TBX19: variants seen among roughly 807,000 people sequenced by gnomAD.
TBX19 encodes T-box transcription factor TBX19.
A neutral mutation model predicts 40.9 loss-of-function variants in TBX19; 33 were observed. That is an observed-to-expected ratio of 0.81 (90% CI 0.61 to 1.08). TBX19 has a LOEUF of 1.08. Among genes scored for constraint, TBX19 ranks in the 50% least tolerant of loss-of-function variants. TBX19 has a pLI of 0.00. For synonymous variants in TBX19, 220 were observed against 225.0 expected (o/e 0.98, Z 0.20); for missense variants, 494 against 574.0 (o/e 0.86, Z 1.42).
Position 168,293,260 on chromosome 1 carries a change from T to G in TBX19, c.585T>G (p.Thr195=). The change falls in exon 3 of 8, where the codon ACT becomes ACG. Residue 195 remains threonine, a synonymous_variant. Coordinates refer to ENST00000367821, the MANE Select transcript of TBX19 (RefSeq NM_005149.3). ...SFPETQFIAV[T]AYQNEEITAL... is the part of the protein sequence containing the mutation. ...CTGAAACCCAGTTCATAGCCGTGAC[T>G]GCCTATCAGAATGAGGAGGTAAGAG... 6.2e-7 allele frequency: 1 copy of G among 1,612,212 alleles called. No individual in the cohort carries two copies. Among genetic ancestry groups the G allele is most frequent in the Non-Finnish European group, 8.5e-7 (1 of 1,179,442 alleles).
chr1:168,293,002 C>A, intron 2 of TBX19, 142 bp from the exon 3 acceptor site: 1 of 1,345,528 alleles, frequency 7.4e-7, no homozygotes, highest in Non-Finnish European at 1.0e-6. Flanking sequence ...GTGGTGGCAG[C>A]TCAGGTGGCC....
At position 168,313,060 on chromosome 1, in the gene TBX19, AC is replaced by A. The variant is rs1649565945; in HGVS notation, c.*62del. 15 of 1,596,482 alleles carry A rather than the reference AC, an allele frequency of 9.4e-6. No homozygotes were observed. Among genetic ancestry groups the A allele is most frequent in the South Asian group, 2.2e-5 (2 of 90,214 alleles). On this transcript the variant is annotated 3_prime_UTR_variant, in exon 8 of 8. Transcript: ENST00000367821. ...CCTTCCATGTGTAGAGTGCTTAGAA[AC>A]CCCATCAACTGATCTAGTGAGTCAG...
intron 4 of TBX19, among the ~76,000 whole-genome samples, chr1:168,299,402 A>T (rs1199717082): frequency 6.6e-6 from 1 of 152,174 alleles, no homozygotes; most frequent in South Asian, 2.1e-4. Flanking sequence ...AAAGGCTCTG[A>T]TAAGGCTCTA....
intron 1 of TBX19, among the ~76,000 whole-genome samples, chr1:168,288,090 T>C (rs567941351): frequency 1.1e-4 from 17 of 152,314 alleles, no homozygotes; most frequent in African/African-American, 2.4e-4. Context: ...TCCCTTGGCA[T>C]CCGCAGAGGA....
chr1:168,303,357 C>T (rs1325067683), intron 5 of TBX19, among the ~76,000 whole-genome samples: 2 of 152,186 alleles, frequency 1.3e-5, no homozygotes, highest in Non-Finnish European at 2.9e-5. Flanking sequence ...CATGTCCCTA[C>T]AAAGGACATG....
At chr1:168,291,995 T>C (rs1485208934) in intron 2 of TBX19, among the ~76,000 whole-genome samples, 1 of 152,134 alleles carries the variant, frequency 6.6e-6, no homozygotes, top group Non-Finnish European at 1.5e-5. Context: ...TTTTTCCTCT[T>C]GTTTTCTGTG....
At chr1:168,302,104 A>G (rs1649289910) in intron 5 of TBX19, among the ~76,000 whole-genome samples, 1 of 152,216 alleles carries the variant, frequency 6.6e-6, no homozygotes, top group Non-Finnish European at 1.5e-5. Flanking sequence ...TTCAAAGTTC[A>G]TGTGTTGCAA....
chr1:168,302,238 C>T (rs1005619340), intron 5 of TBX19, among the ~76,000 whole-genome samples: 10 of 152,116 alleles, frequency 6.6e-5, no homozygotes, highest in African/African-American at 2.2e-4. Flanking sequence ...GATGGGGACC[C>T]CTTGGGCCAT....
chr1:168,311,636 A>G (rs1202996797), intron 7 of TBX19, among the ~76,000 whole-genome samples: 2 of 152,218 alleles, frequency 1.3e-5, no homozygotes, highest in Non-Finnish European at 2.9e-5. Context: ...ATTTTGTTAG[A>G]AACAAAACAA....
At chr1:168,285,320 A>T (rs1040681793) in intron 1 of TBX19, among the ~76,000 whole-genome samples, 7 of 151,588 alleles carry the variant, frequency 4.6e-5, no homozygotes, top group African/African-American at 9.7e-5. Context: ...AGTTCTGATG[A>T]GTATTTGATA....
At chr1:168,281,549 G>A (rs1648649975) in intron 1 of TBX19, among the ~76,000 whole-genome samples, 1 of 152,220 alleles carries the variant, frequency 6.6e-6, no homozygotes, top group Non-Finnish European at 1.5e-5. Context: ...TAAAGTGGGG[G>A]GCATGCCCCA....
chr1:168,305,683 G>T (rs1321293217), intron 6 of TBX19, among the ~76,000 whole-genome samples: 1 of 152,224 alleles, frequency 6.6e-6, no homozygotes, highest in Non-Finnish European at 1.5e-5. Flanking sequence ...TTCAGTTGGA[G>T]ACATGCAAAC....
chr1:168,292,459 GA>G (rs949450520), intron 2 of TBX19, among the ~76,000 whole-genome samples: 4 of 151,820 alleles, frequency 2.6e-5, no homozygotes, highest in African/African-American at 9.7e-5. Flanking sequence ...TTCCTCAAAT[GA>G]AAAAAAGGCA....
intron 4 of TBX19, among the ~76,000 whole-genome samples, chr1:168,299,395 G>C (rs538068732): frequency 1.3e-5 from 2 of 152,112 alleles, no homozygotes; most frequent in Non-Finnish European, 2.9e-5. Context: ...TCACCTTAAA[G>C]GCTCTGATAA....
rs1649583209 is a variant in TBX19 at position 168,313,944 on chromosome 1, GAAAT to G, written c.*943_*946del. 2 of 138,008 alleles carry G rather than the reference GAAAT, an allele frequency of 1.4e-5. No individual in the cohort carries two copies. Among genetic ancestry groups the G allele is most frequent in the Non-Finnish European group, 3.2e-5 (2 of 63,122 alleles). The allele number at this position is 138,008 out of a possible 1,614,324, so 8.5% of individuals were successfully genotyped here. A position where few individuals can be genotyped will look rare whatever the true frequency, so the allele number is the denominator to read the frequency against. On this transcript the variant is annotated 3_prime_UTR_variant, in exon 8 of 8. Coordinates refer to ENST00000367821, the MANE Select transcript of TBX19 (RefSeq NM_005149.3). ...AAAAAGAAAGAAAGAAAGAAAGAAA[GAAAT>G]CCTACTACGAGCGATCACACCATCT...
At position 168,305,207 on chromosome 1, in the gene TBX19, C is replaced by G; in HGVS notation, c.916+11C>G. 6.2e-7 allele frequency: 1 copy of G among 1,608,530 alleles called. No homozygotes were observed. The highest frequency in any genetic ancestry group is 8.5e-7 in the Non-Finnish European group (1 of 1,179,954). ...ACCATTCTCCCTCAGGTCTGTGACT[C>G]TGCTGATTAAACCCTTGGGGTATGG... On this transcript the variant is annotated intron_variant, in intron 6 of 7. Transcript: ENST00000367821.
At chr1:168,281,926 G>A (rs1646676587) in intron 1 of TBX19, among the ~76,000 whole-genome samples, 1 of 152,180 alleles carries the variant, frequency 6.6e-6, no homozygotes, top group Non-Finnish European at 1.5e-5. Context: ...TTTCTTATCA[G>A]TGCAACAAAT....
At chr1:168,309,653 A>G (rs951985718) in intron 7 of TBX19, among the ~76,000 whole-genome samples, 9 of 152,270 alleles carry the variant, frequency 5.9e-5, no homozygotes, top group Admixed American at 5.2e-4. Flanking sequence ...CCCATGGTTT[A>G]ATCCTCACAC....
intron 5 of TBX19, among the ~76,000 whole-genome samples, chr1:168,301,296 T>C (rs1406808038): frequency 6.6e-6 from 1 of 151,624 alleles, no homozygotes; most frequent in Non-Finnish European, 1.5e-5. Context: ...GGAGTCTCGC[T>C]CTGTTGCCCA....
Sources: allele counts gnomAD v4.1 joint callset (sites outside exome capture counted in the v4.1 genomes callset), GRCh38; gene constraint gnomAD v4.1.1; transcripts MANE v1.5; gene names NCBI Gene and HGNC (gene_info 2026-07-23, HGNC 2026-07-21).